The following ERICH1 variants were observed in gnomAD, a reference collection of about 807,000 sequenced individuals.
ERICH1 encodes the protein glutamate rich 1.
Under a neutral mutation model 39.6 loss-of-function variants are expected in ERICH1, and 56 were observed. That is an observed-to-expected ratio of 1.41 (90% CI 1.14 to 1.77). The LOEUF (loss-of-function observed/expected upper bound fraction) is 1.77, where lower values mean the gene tolerates loss of function less well. Among genes scored for constraint, ERICH1 ranks in the 40% most tolerant of loss-of-function variants. The pLI, the probability that ERICH1 is intolerant of heterozygous loss-of-function variation, is 0.00. For missense variants in ERICH1, 826 were observed against 575.4 expected, an observed-to-expected ratio of 1.44 and a Z score of -4.45; for synonymous variants, 313 against 223.6, an observed-to-expected ratio of 1.40 and a Z score of -3.57.
intron 1 of ERICH1, among the ~76,000 whole-genome samples, chr8:728,027 G>A (rs1041720744): frequency 6.6e-6 from 1 of 152,212 alleles, no homozygotes; most frequent in African/African-American, 2.4e-5. Context: ...TCAGGGCTGG[G>A]CCCTGGGACG....
chr8:629,648 CACCCGCCTGTGACCACCCACAGAG>C, intron 3 of ERICH1, among the ~76,000 whole-genome samples: 1 of 144,092 alleles, frequency 6.9e-6, no homozygotes, highest in East Asian at 2.1e-4. Context: ...AGCTGACTCA[CACCCGCCTGTGACCACCCACAGAG>C]ACAGAGCTGA....
downstream of ERICH1, among the ~76,000 whole-genome samples, chr8:661,331 C>A (rs561709416): frequency 2.0e-5 from 3 of 152,106 alleles, no homozygotes; most frequent in South Asian, 2.1e-4. Flanking sequence ...TGGAGCCTGG[C>A]GGCAGCTGGG....
At chr8:666,250 G>A (rs1802218279) in intron 5 of ERICH1, 1 of 152,118 alleles carries the variant, frequency 6.6e-6, no homozygotes, top group Admixed American at 6.5e-5. Flanking sequence ...GTGAATTTCA[G>A]AAAAGCCTCA....
At chr8:616,660 C>T (rs35578938) in intron 3 of ERICH1, 96,620 of 440,898 alleles carry the variant, frequency 0.22, 11,609 homozygotes, top group Middle Eastern at 0.33. Context: ...GACGGGGGCG[C>T]GGGGGACAGA....
intron 3 of ERICH1, among the ~76,000 whole-genome samples, chr8:679,086 A>AC (rs1805509352): frequency 2.8e-5 from 4 of 142,618 alleles, no homozygotes; most frequent in Non-Finnish European, 6.1e-5. Flanking sequence ...TACAGCAGTG[A>AC]CCCCTCACAG....
At chr8:694,102 A>G (rs1465764993) in intron 2 of ERICH1, among the ~76,000 whole-genome samples, 1 of 152,236 alleles carries the variant, frequency 6.6e-6, no homozygotes, top group Non-Finnish European at 1.5e-5. Flanking sequence ...AACAACAATG[A>G]CAGGTATTGA....
intron 3 of ERICH1, among the ~76,000 whole-genome samples, chr8:676,840 G>A (rs999274606): frequency 4.6e-5 from 7 of 152,230 alleles, no homozygotes; most frequent in South Asian, 2.1e-4. Context: ...AGCGCCTGTT[G>A]GAGTTTTCTG....
chr8:628,823 C>T (rs1200185285), intron 3 of ERICH1, among the ~76,000 whole-genome samples: 1 of 152,178 alleles, frequency 6.6e-6, no homozygotes, highest in Non-Finnish European at 1.5e-5. Flanking sequence ...TTCCTCGGCT[C>T]CCCCAATGCT....
chr8:725,007 C>T (rs1392075486), intron 1 of ERICH1, among the ~76,000 whole-genome samples: 1 of 152,204 alleles, frequency 6.6e-6, no homozygotes, highest in Non-Finnish European at 1.5e-5. Context: ...TGTGGTTTCT[C>T]GTCCCACACC....
rs554803542 is a variant in ERICH1 at position 713,471 on chromosome 8, C to G, written c.169+2390G>C. Among the ~76,000 whole-genome samples, 195 of 152,184 alleles carry G rather than the reference C, an allele frequency of 1.3e-3. 1 individual carries two copies. The highest frequency in any genetic ancestry group is 0.012 in the South Asian group (58 of 4,824). ...AGAACATGGAATACACGGATTTGTC[C>G]CATGGGAAAAGCATGCTTAGTGTAA... is the stretch of plus-strand genomic sequence containing the variant. On this transcript the variant is annotated intron_variant, in intron 2 of 5. Coordinates refer to ENST00000262109, the MANE Select transcript of ERICH1 (RefSeq NM_207332.3).
intron 3 of ERICH1, among the ~76,000 whole-genome samples, chr8:631,751 A>G (rs926541006): frequency 1.3e-5 from 2 of 152,122 alleles, no homozygotes; most frequent in Non-Finnish European, 1.5e-5. Flanking sequence ...TCGTCTCTGG[A>G]ACGTTCTCAG....
At chr8:683,766 G>C (rs1195256768) in intron 3 of ERICH1, among the ~76,000 whole-genome samples, 2 of 152,194 alleles carry the variant, frequency 1.3e-5, no homozygotes, top group African/African-American at 2.4e-5. Context: ...CGGTGATCAG[G>C]AACCACCAAA....
At chr8:628,819 G>A (rs972544635) in intron 3 of ERICH1, among the ~76,000 whole-genome samples, 1 of 152,048 alleles carries the variant, frequency 6.6e-6, no homozygotes, top group Non-Finnish European at 1.5e-5. Flanking sequence ...ACGTTTCCTC[G>A]GCTCCCCCAA....
intron 5 of ERICH1, among the ~76,000 whole-genome samples, chr8:665,060 G>A (rs938644569): frequency 4.6e-5 from 7 of 152,238 alleles, no homozygotes; most frequent in East Asian, 1.9e-4. Flanking sequence ...GGGTGAGCAA[G>A]TAGAAAAAAG....
At chr8:681,202 C>G (rs1806045254) in intron 3 of ERICH1, among the ~76,000 whole-genome samples, 1 of 152,176 alleles carries the variant, frequency 6.6e-6, no homozygotes, top group Non-Finnish European at 1.5e-5. Flanking sequence ...AATCGCCACG[C>G]CCAGAGCCCT....
chr8:728,256 G>C lies in ERICH1; in HGVS notation c.22+2884C>G, dbSNP rs150700025. 3.8e-3 allele frequency among the ~76,000 whole-genome samples: 574 copies of C among 152,316 alleles called. 2 individuals carry two copies. Among genetic ancestry groups the C allele is most frequent in the African/African-American group, 0.013 (539 of 41,574 alleles). On this transcript the variant is annotated intron_variant, in intron 1 of 5. Coordinates refer to ENST00000262109, the MANE Select transcript of ERICH1 (RefSeq NM_207332.3). ...ACTCCGCCCAGGCAGCAGGGACACA[G>C]TAAGCGTTTCAGGAAGGAAGCAAGG...
intron 3 of ERICH1, among the ~76,000 whole-genome samples, chr8:651,966 A>T (rs939647627): frequency 9.2e-5 from 14 of 152,144 alleles, no homozygotes. Context: ...AAATTAGAAG[A>T]TCAACTATTT....
Position 692,502 on chromosome 8 carries a change from C to T in ERICH1, c.280G>A (p.Ala94Thr), listed in dbSNP as rs148832123. The change falls in exon 3 of 6, where the codon GCC (alanine) becomes ACC (threonine). Residue 94 changes from alanine to threonine, a missense_variant. Ala to Thr is a moderately conservative substitution (Grantham distance 58). Coordinates refer to ENST00000262109, the MANE Select transcript of ERICH1 (RefSeq NM_207332.3). ...CCTTCTGTGTCATCCCCGCTGGAGGCGTTCTCGGGGCTCCCACAGCTGCTG... is the reference window on the plus strand; with the variant it reads ...CCTTCTGTGTCATCCCCGCTGGAGGTGTTCTCGGGGCTCCCACAGCTGCTG... ...EPSSCGSPENASSGDDTEDQD... is the reference protein window; with the variant it reads ...EPSSCGSPENTSSGDDTEDQD... 228 of 1,614,042 alleles carry T rather than the reference C, an allele frequency of 1.4e-4. No homozygotes were observed. Among genetic ancestry groups the T allele is most frequent in the South Asian group, 9.4e-4 (86 of 91,080 alleles).
intron 3 of ERICH1, among the ~76,000 whole-genome samples, chr8:620,309 C>G (rs1164563608): frequency 6.6e-6 from 1 of 151,966 alleles, no homozygotes; most frequent in Admixed American, 6.6e-5. Flanking sequence ...GAGACTCTGT[C>G]TCAAAAAATA....
Sources: allele counts gnomAD v4.1 joint callset (sites outside exome capture counted in the v4.1 genomes callset), GRCh38; gene constraint gnomAD v4.1.1; transcripts MANE v1.5; gene names NCBI Gene and HGNC (gene_info 2026-07-23, HGNC 2026-07-21).